Variants in EMC3 observed in about 807,000 individuals in gnomAD.
The protein encoded by EMC3 is ER membrane protein complex subunit 3, also known as 30 kDa protein.
In EMC3, 13 loss-of-function variants were observed where a neutral mutation model predicts 36.6. The ratio of observed to expected loss-of-function variants is 0.35; its 90% CI spans 0.23 to 0.56. The LOEUF (loss-of-function observed/expected upper bound fraction) is 0.56, where lower values mean the gene tolerates loss of function less well. Ranked by LOEUF, EMC3 falls within the 20% of genes least tolerant of loss-of-function variation. EMC3 has a pLI of 0.84. For missense variants in EMC3, 220 were observed against 324.5 expected (o/e 0.68, Z 2.47); for synonymous variants, 120 against 111.9 (o/e 1.07, Z -0.46).
At chr3:10,008,295 C>T (rs1408895119) in intron 1 of EMC3, 4 of 796,416 alleles carry the variant, frequency 5.0e-6, no homozygotes, top group South Asian at 1.6e-5. Flanking sequence ...TCTTCAGAAG[C>T]CAGGGCTTCC....
At chr3:9,997,865 G>C (rs569525576) in intron 1 of EMC3, among the ~76,000 whole-genome samples, 1 of 152,012 alleles carries the variant, frequency 6.6e-6, no homozygotes, top group East Asian at 1.9e-4. Flanking sequence ...ATGAGTATTG[G>C]TTTACAAATA....
intron 1 of EMC3, among the ~76,000 whole-genome samples, chr3:9,983,917 C>T (rs2085940058): frequency 6.6e-6 from 1 of 152,134 alleles, no homozygotes; most frequent in Non-Finnish European, 1.5e-5. Flanking sequence ...GACTACTTAA[C>T]TTTTCCAGGC....
chr3:9,986,941 C>T (rs1325679088), upstream of EMC3: 47 of 1,211,136 alleles, frequency 3.9e-5, no homozygotes, highest in Non-Finnish European at 4.9e-5. Context: ...GTGGCCCAGG[C>T]TCGGTGGCTC....
At chr3:9,979,602 C>T (rs150590584) in intron 1 of EMC3, among the ~76,000 whole-genome samples, 4 of 152,294 alleles carry the variant, frequency 2.6e-5, no homozygotes, top group Non-Finnish European at 5.9e-5. Flanking sequence ...ACATGAAGAA[C>T]GGTGATCAAA....
At chr3:9,979,052 G>T (rs9814624) in intron 1 of EMC3, among the ~76,000 whole-genome samples, 1 of 152,040 alleles carries the variant, frequency 6.6e-6, no homozygotes, top group Non-Finnish European at 1.5e-5. Flanking sequence ...GCATCTCCAC[G>T]AAGCTTTTCC....
At chr3:10,005,949 C>T (rs2086257713) in intron 1 of EMC3, among the ~76,000 whole-genome samples, 1 of 152,222 alleles carries the variant, frequency 6.6e-6, no homozygotes, top group African/African-American at 2.4e-5. Context: ...CTGATGCGGG[C>T]TCATAGGGAG....
At chr3:9,992,891 C>T in intron 1 of EMC3, 1 of 1,584,076 alleles carries the variant, frequency 6.3e-7, no homozygotes, top group Admixed American at 1.7e-5. Context: ...TGATGCTTTT[C>T]ATCATCTATA....
rs35879571 is a variant in EMC3 at position 9,998,366 on chromosome 3, AAATAATAATAATAAT to A, written c.-241-11479_-241-11465del. Among the ~76,000 whole-genome samples the A allele has an allele frequency of 4.6e-3, 629 of 137,384 alleles. 4 individuals are homozygous for A. Among genetic ancestry groups the A allele is most frequent in the South Asian group, 0.014 (60 of 4,160 alleles). 90.1% of individuals were successfully genotyped at this position (137,384 alleles called of 152,430 possible). A position where few individuals can be genotyped will look rare whatever the true frequency, so the allele number is the denominator to read the frequency against. On this transcript the variant is annotated intron_variant, in intron 1 of 8. Coordinates refer to the EMC3 transcript ENST00000470827. ...GGGCAACAGAGCGAGACTCTGTCTCAAATAATAATAATAATAATAATAATAATAATAATAATAATA... is the reference window on the plus strand; with the variant it reads ...GGGCAACAGAGCGAGACTCTGTCTCAAATAATAATAATAATAATAATAATA...
chr3:9,965,582 A>G (rs1347762566), intron 7 of EMC3, among the ~76,000 whole-genome samples: 2 of 152,184 alleles, frequency 1.3e-5, no homozygotes, highest in Non-Finnish European at 2.9e-5. Flanking sequence ...TAGTATATTC[A>G]TATGTGCAAC....
rs1424717562 is a variant in EMC3 at position 9,974,441 on chromosome 3, G to A, written c.355C>T (p.Leu119Phe). 1.9e-6 allele frequency: 3 copies of A among 1,613,886 alleles called. No individual in the cohort carries two copies. Among genetic ancestry groups the A allele is most frequent in the Non-Finnish European group, 2.5e-6 (3 of 1,179,802 alleles). ...DMMKGNVTNV[L>F]PMILIGGWIN... ...CATCCACCAATAAGAATCATAGGGA[G>A]GACATTTGTTACATTCCCTTTCATC... Residue 119 changes from leucine (L) to phenylalanine (F), a missense_variant, in exon 4 of 8, where the codon CTC (leucine) becomes TTC (phenylalanine). Transcript: ENST00000245046.
intron 1 of EMC3, among the ~76,000 whole-genome samples, chr3:10,009,679 C>A (rs943534123): frequency 3.3e-5 from 5 of 152,232 alleles, no homozygotes; most frequent in African/African-American, 9.6e-5. Flanking sequence ...CACTCCCAGT[C>A]CAATTCACAG....
At chr3:9,972,306 G>C (rs956104525) in intron 5 of EMC3, among the ~76,000 whole-genome samples, 3 of 151,958 alleles carry the variant, frequency 2.0e-5, no homozygotes, top group Non-Finnish European at 4.4e-5. Context: ...CAGAATTCCT[G>C]GCTTAAACTT....
intron 7 of EMC3, among the ~76,000 whole-genome samples, chr3:9,966,192 T>C (rs2085734879): frequency 6.6e-6 from 1 of 151,926 alleles, no homozygotes; most frequent in Admixed American, 6.6e-5. Context: ...TTTTATTAAT[T>C]ATAACCATCT....
In EMC3 at chr3:9,964,037, A is replaced by C. The variant is rs949875118; in HGVS notation, c.*32T>G. ...AGTTACAAGGTTAAGTGCAACTCCA[A>C]GTTCCTGACACAGCTAATCCCTGCT... On this transcript the variant is annotated 3_prime_UTR_variant, in exon 8 of 8. Transcript: ENST00000245046. 2.6e-5 allele frequency: 42 copies of C among 1,611,186 alleles called. No individual in the cohort carries two copies. Among genetic ancestry groups the C allele is most frequent in the Non-Finnish European group, 3.5e-5 (41 of 1,178,724 alleles).
chr3:9,963,970 T>C lies in EMC3; in HGVS notation c.*99A>G. 1 of 1,553,752 alleles carries C rather than the reference T, an allele frequency of 6.4e-7. No individual in the cohort carries two copies. Among genetic ancestry groups the C allele is most frequent in the East Asian group, 2.3e-5 (1 of 44,354 alleles). On this transcript the variant is annotated 3_prime_UTR_variant, in exon 8 of 8. Coordinates refer to ENST00000245046, the MANE Select transcript of EMC3 (RefSeq NM_001394674.1). ...GCCTTGCTGCATGCCTGCCAGCTCG[T>C]GCATCCTCCTTTTTATTTCAAGAGG...
intron 1 of EMC3, chr3:10,010,296 G>C (rs1325899182): frequency 6.6e-6 from 1 of 152,382 alleles, no homozygotes; most frequent in Non-Finnish European, 1.5e-5. Flanking sequence ...AGCTGGGCGT[G>C]GTGGCGGGCT....
At position 9,963,176 on chromosome 3, in the gene EMC3, G is replaced by T. The variant is rs1033907032; in HGVS notation, c.*893C>A. ...TATTCACTCTGAAGAGAGTTTATTTGAATAAGGTTTTGACATATTTGGTCT... is the reference window on the plus strand; with the variant it reads ...TATTCACTCTGAAGAGAGTTTATTTTAATAAGGTTTTGACATATTTGGTCT... On this transcript the variant is annotated 3_prime_UTR_variant, in exon 8 of 8. Transcript: ENST00000245046. The T allele has an allele frequency of 6.6e-6, 1 of 152,088 alleles. No homozygotes were observed. The highest frequency in any genetic ancestry group is 2.4e-5 in the African/African-American group (1 of 41,406). 9.4% of individuals were successfully genotyped at this position (152,088 alleles called of 1,614,324 possible). A position where few individuals can be genotyped will look rare whatever the true frequency, so the allele number is the denominator to read the frequency against.
At chr3:9,976,426 G>C (rs768306651) in intron 3 of EMC3, among the ~76,000 whole-genome samples, 16 of 152,146 alleles carry the variant, frequency 1.1e-4, no homozygotes, top group Non-Finnish European at 1.9e-4. Context: ...CTTTTAACAT[G>C]CTATATTTTT....
intron 1 of EMC3, among the ~76,000 whole-genome samples, chr3:9,982,209 C>CA (rs1156484409): frequency 6.6e-6 from 1 of 152,120 alleles, no homozygotes; most frequent in East Asian, 1.9e-4. Context: ...CTCAGCCTCC[C>CA]AAAGTGCTGG....
Sources: allele counts gnomAD v4.1 joint callset (sites outside exome capture counted in the v4.1 genomes callset), GRCh38; gene constraint gnomAD v4.1.1; transcripts MANE v1.5; gene names NCBI Gene and HGNC (gene_info 2026-07-23, HGNC 2026-07-21).